CSRNP2: variants seen among roughly 807,000 people sequenced by gnomAD.
The protein encoded by CSRNP2 is cysteine and serine rich nuclear protein 2.
A neutral mutation model predicts 36.6 loss-of-function variants in CSRNP2; 11 were observed. That is an observed-to-expected ratio of 0.30 (90% CI 0.19 to 0.50). The LOEUF (loss-of-function observed/expected upper bound fraction) is 0.50, where lower values mean the gene tolerates loss of function less well. Among genes scored for constraint, CSRNP2 ranks in the 20% least tolerant of loss-of-function variants. The probability of loss-of-function intolerance (pLI) is 0.98; values close to 1 mark genes in which losing one functional copy is unlikely to be tolerated. For missense variants in CSRNP2, 483 were observed against 691.4 expected (o/e 0.70, Z 3.38); for synonymous variants, 248 against 275.3 (o/e 0.90, Z 0.98).
rs768203184 is a variant in CSRNP2 at position 51,064,263 on chromosome 12, C to T, written c.1115G>A (p.Cys372Tyr). The change falls in exon 5 of 5, where the codon TGC becomes TAC. Residue 372 changes from cysteine to tyrosine, a missense_variant. Physicochemically the swap from Cys to Tyr is radical, Grantham distance 194 (BLOSUM62 -2). Coordinates refer to ENST00000228515, the MANE Select transcript of CSRNP2 (RefSeq NM_030809.3). Reference sequence around the variant, plus strand: ...GAGAATGGGGGCTGTAAGGCCTGGGCACAGCTCTTCGGGGACAGCCAGAGG... The same window carrying T: ...GAGAATGGGGGCTGTAAGGCCTGGGTACAGCTCTTCGGGGACAGCCAGAGG... ...EEPLAVPEEL[C>Y]PGLTAPILIQ... is the part of the protein sequence containing the mutation. 5 of 1,612,702 alleles carry T rather than the reference C, an allele frequency of 3.1e-6. No individual in the cohort carries two copies. The African/African-American group carries it at 5.3e-5, about 17-fold the overall frequency.
chr12:51,068,280 TA>T (rs1278364572), intron 3 of CSRNP2, among the ~76,000 whole-genome samples: 4 of 152,036 alleles, frequency 2.6e-5, no homozygotes, highest in Admixed American at 2.0e-4. Context: ...GCCTCCCAAG[TA>T]GTTGGGATTA....
At position 51,063,331 on chromosome 12, in the gene CSRNP2, A is replaced by G. The variant is rs1937765163; in HGVS notation, c.*415T>C. 1 of 152,638 alleles carries G rather than the reference A, an allele frequency of 6.6e-6. No homozygotes were observed. The highest frequency in any genetic ancestry group is 6.6e-5 in the Admixed American group (1 of 15,254). The allele number at this position is 152,638 out of a possible 1,614,324, so 9.5% of individuals were successfully genotyped here. A position where few individuals can be genotyped will look rare whatever the true frequency, so the allele number is the denominator to read the frequency against. On this transcript the variant is annotated 3_prime_UTR_variant, in exon 5 of 5. Coordinates refer to ENST00000228515, the MANE Select transcript of CSRNP2 (RefSeq NM_030809.3). ...TGACACACCAAAATGGGATATCAGAATAACCACCGAGAAAAATGAGCTTGT... is the reference window on the plus strand; with the variant it reads ...TGACACACCAAAATGGGATATCAGAGTAACCACCGAGAAAAATGAGCTTGT...
In CSRNP2 at chr12:51,063,358, C is replaced by T. The variant is rs1937768969; in HGVS notation, c.*388G>A. Reference sequence around the variant, plus strand: ...AACCACCGAGAAAAATGAGCTTGTACTCTGCCTGGGGCTTGGGAGAGAAAG... The same window carrying T: ...AACCACCGAGAAAAATGAGCTTGTATTCTGCCTGGGGCTTGGGAGAGAAAG... On this transcript the variant is annotated 3_prime_UTR_variant, in exon 5 of 5. Transcript: ENST00000228515. 1 of 156,318 alleles carries T rather than the reference C, an allele frequency of 6.4e-6. No individual in the cohort carries two copies. Among genetic ancestry groups the T allele is most frequent in the Non-Finnish European group, 1.4e-5 (1 of 71,148 alleles). The allele number at this position is 156,318 out of a possible 1,614,324, so 9.7% of individuals were successfully genotyped here.
intron 1 of CSRNP2, among the ~76,000 whole-genome samples, chr12:51,078,392 G>C (rs571336425): frequency 1.2e-4 from 1 of 8,182 alleles, no homozygotes; most frequent in East Asian, 5.1e-3. Flanking sequence ...AAATTTGCCA[G>C]GGAAGAAAAA....
At chr12:51,080,232 C>A (rs1328557596) in intron 1 of CSRNP2, among the ~76,000 whole-genome samples, 1 of 151,998 alleles carries the variant, frequency 6.6e-6, no homozygotes, top group Non-Finnish European at 1.5e-5. Context: ...AAGTAACTGT[C>A]CACTCCTGTT....
intron 1 of CSRNP2, among the ~76,000 whole-genome samples, chr12:51,078,072 G>A (rs1353493772): frequency 2.0e-5 from 3 of 152,184 alleles, no homozygotes; most frequent in African/African-American, 7.2e-5. Flanking sequence ...GATCTCACTA[G>A]TTGCTAATTA....
intron 1 of CSRNP2, among the ~76,000 whole-genome samples, chr12:51,079,687 G>A (rs2450263): frequency 2.1e-5 from 3 of 143,474 alleles, no homozygotes; most frequent in Admixed American, 7.5e-5. Flanking sequence ...CAGGAGAATC[G>A]CTTGAACCCG....
rs1948848736 is a variant in CSRNP2 at position 51,062,063 on chromosome 12, CTG to C, written c.*1681_*1682del. The C allele has an allele frequency of 6.6e-6, 1 of 152,114 alleles. No homozygotes were observed. Among genetic ancestry groups the C allele is most frequent in the East Asian group, 1.9e-4 (1 of 5,198 alleles). The allele number at this position is 152,114 out of a possible 1,614,324, so 9.4% of individuals were successfully genotyped here. On this transcript the variant is annotated 3_prime_UTR_variant, in exon 5 of 5. Coordinates refer to ENST00000228515, the MANE Select transcript of CSRNP2 (RefSeq NM_030809.3). Reference sequence around the variant, plus strand: ...CCTCCAAACTAAAACCAAGCAAAAACTGGAACAAATAGGAAAGGCAGAATGAA... The same window carrying C: ...CCTCCAAACTAAAACCAAGCAAAAACGAACAAATAGGAAAGGCAGAATGAA...
At chr12:51,077,710 TA>T (rs1406641506) in intron 1 of CSRNP2, among the ~76,000 whole-genome samples, 1 of 152,202 alleles carries the variant, frequency 6.6e-6, no homozygotes, top group African/African-American at 2.4e-5. Flanking sequence ...TACTGCTCCA[TA>T]AAATAGGGCT....
intron 3 of CSRNP2, among the ~76,000 whole-genome samples, chr12:51,069,818 G>A (rs995406543): frequency 6.0e-5 from 9 of 150,770 alleles, no homozygotes; most frequent in South Asian, 2.1e-4. Flanking sequence ...TTAGCCTCCC[G>A]AGTAGTTGGG....
chr12:51,065,173 G>A (rs1022586746), intron 4 of CSRNP2, among the ~76,000 whole-genome samples: 2 of 152,142 alleles, frequency 1.3e-5, no homozygotes, highest in South Asian at 2.1e-4. Flanking sequence ...ACATTCTGGG[G>A]AAACTAAGCA....
Position 51,063,921 on chromosome 12 carries a change from G to A in CSRNP2, c.1457C>T (p.Pro486Leu). The A allele has an allele frequency of 1.2e-6, 2 of 1,613,990 alleles. No individual in the cohort carries two copies. Among genetic ancestry groups the A allele is most frequent in the African/African-American group, 1.3e-5 (1 of 75,030 alleles). ...AGGCTCCTCAGGGTTACAATCTTCGGGCAATAGAGCTTCTAGGGTGGGTGT... is the reference window on the plus strand; with the variant it reads ...AGGCTCCTCAGGGTTACAATCTTCGAGCAATAGAGCTTCTAGGGTGGGTGT... The part of the protein sequence containing the change: ...GKTPTLEALL[P>L]EDCNPEEPEN... The change falls in exon 5 of 5, where the codon CCC becomes CTC. Residue 486 changes from proline to leucine, a missense_variant. Physicochemically the swap from Pro to Leu is moderately conservative, Grantham distance 98 (BLOSUM62 -3). Coordinates refer to ENST00000228515, the MANE Select transcript of CSRNP2 (RefSeq NM_030809.3).
chr12:51,073,715 G>C, intron 3 of CSRNP2, 108 bp downstream of exon 3: 1 of 1,179,736 alleles, frequency 8.5e-7, no homozygotes. Context: ...GACAGAGCAA[G>C]ACTCTGTCCC....
At chr12:51,074,121 C>T (rs753246204) in intron 2 of CSRNP2, 39 bp from the exon 3 acceptor site, 1 of 1,582,616 alleles carries the variant, frequency 6.3e-7, no homozygotes, top group South Asian at 1.2e-5. Flanking sequence ...ATTTATTTTT[C>T]TATTTATTTA....
At chr12:51,078,546 G>C (rs903636802) in intron 1 of CSRNP2, among the ~76,000 whole-genome samples, 1 of 152,122 alleles carries the variant, frequency 6.6e-6, no homozygotes, top group African/African-American at 2.4e-5. Context: ...GCTTTTTATG[G>C]GTTAAGATTT....
rs1200407975 is a variant in CSRNP2 at position 51,071,388 on chromosome 12, CAG to C, written c.411+2433_411+2434del. On this transcript the variant is annotated intron_variant, in intron 3 of 4. Transcript: ENST00000228515. ...TGCCTCTGTGCTCCAGCCTGGATGA[CAG>C]AGTGAGACCCTGTTTCAAGAGAAAA... 2.0e-5 allele frequency among the ~76,000 whole-genome samples: 3 copies of C among 151,422 alleles called. No individual in the cohort carries two copies. The East Asian group carries it at 5.8e-4, about 29-fold the overall frequency.
Position 51,083,451 on chromosome 12 carries a change from G to T in CSRNP2, c.-199C>A, listed in dbSNP as rs1939720894. The T allele has an allele frequency of 6.6e-6, 1 of 152,412 alleles. No homozygotes were observed. Among genetic ancestry groups the T allele is most frequent in the East Asian group, 1.9e-4 (1 of 5,176 alleles). 9.4% of individuals were successfully genotyped at this position (152,412 alleles called of 1,614,324 possible). The stretch of plus-strand genomic sequence containing the variant: ...GCGAGCGAGTCCCGGGCCCCGCGGC[G>T]ACGGCCGGGGAGCTCCCAGGGCGGC... On this transcript the variant is annotated 5_prime_UTR_variant, in exon 1 of 5. Transcript: ENST00000228515.
chr12:51,078,124 A>G (rs1486584932), intron 1 of CSRNP2, among the ~76,000 whole-genome samples: 2 of 152,256 alleles, frequency 1.3e-5, no homozygotes, highest in African/African-American at 2.4e-5. Context: ...ACAGGGCTGC[A>G]TTACTGCAGA....
At chr12:51,075,020 G>T (rs1033162709) in intron 2 of CSRNP2, among the ~76,000 whole-genome samples, 1 of 152,006 alleles carries the variant, frequency 6.6e-6, no homozygotes, top group Non-Finnish European at 1.5e-5. Flanking sequence ...AGCCGAGATT[G>T]TGCCACTGCA....
Sources: gnomAD v4.1 joint callset for allele counts (sites outside exome capture counted in the v4.1 genomes callset) on GRCh38, gnomAD v4.1.1 for gene constraint, MANE v1.5 for transcripts, NCBI Gene and HGNC (gene_info 2026-07-23, HGNC 2026-07-21) for gene names.